The following ACSL5 variants were observed in gnomAD, a reference collection of about 807,000 sequenced individuals.
ACSL5 encodes the protein acyl-CoA synthetase long chain family member 5, also known as long-chain-fatty-acid--CoA ligase 5.
ACSL5 carries 50 observed loss-of-function variants against 84.9 expected under a neutral mutation model. The ratio of observed to expected loss-of-function variants is 0.59; its 90% CI spans 0.47 to 0.75. The LOEUF is 0.75. ACSL5 is among the 30% of genes least tolerant of loss of function. The pLI, the probability that ACSL5 is intolerant of heterozygous loss-of-function variation, is 0.00. For synonymous variants in ACSL5, 280 were observed against 300.7 expected, an observed-to-expected ratio of 0.93 and a Z score of 0.71; for missense variants, 775 against 830.4, an observed-to-expected ratio of 0.93 and a Z score of 0.82.
intron 1 of ACSL5, among the ~76,000 whole-genome samples, chr10:112,378,485 T>G (rs59242079): frequency 0.49 from 74,358 of 151,690 alleles, 18,288 homozygotes; most frequent in South Asian, 0.58. Context: ...GACCTCAAGT[T>G]ATCTGCCTGC....
At chr10:112,425,595 TAA>T (rs71489969) in intron 18 of ACSL5, 114 bp downstream of exon 18, 20,866 of 531,064 alleles carry the variant, frequency 0.039, no homozygotes, top group Middle Eastern at 0.049. Flanking sequence ...CTTATAAAAC[TAA>T]AAAAAAAAAA....
chr10:112,411,611 G>GAC (rs931466410), intron 10 of ACSL5, 82 bp downstream of exon 10: 312 of 1,161,776 alleles, frequency 2.7e-4, no homozygotes, highest in East Asian at 3.8e-4. Flanking sequence ...AGAGCAGGCA[G>GAC]ACACACACAC....
In ACSL5 at chr10:112,404,779, C is replaced by T. The variant is rs376454184; in HGVS notation, c.405C>T (p.Val135=). The T allele has an allele frequency of 5.3e-5, 85 of 1,613,726 alleles. No homozygotes were observed. The highest frequency in any genetic ancestry group is 1.5e-4 in the African/African-American group (11 of 74,876). Residue 135 remains valine (V), a synonymous_variant, in exon 5 of 21, where the codon GTC becomes GTT. Transcript: ENST00000354655. ...ATAAATCATCACCAGACCAGTTTGTCGGCATCTTTGCTCAGAATAGGCCAG... is the reference window on the plus strand; with the variant it reads ...ATAAATCATCACCAGACCAGTTTGTTGGCATCTTTGCTCAGAATAGGCCAG... The part of the protein sequence containing the change: ...KGYKSSPDQF[V]GIFAQNRPEW...
intron 16 of ACSL5, 73 bp from the exon 17 acceptor site, chr10:112,422,252 G>A: frequency 1.4e-5 from 18 of 1,287,184 alleles, no homozygotes; most frequent in Non-Finnish European, 2.0e-5. Context: ...AGGGGAGCAG[G>A]TGTTTCATAA....
At chr10:112,397,771 A>AT (rs1342699752) in intron 2 of ACSL5, among the ~76,000 whole-genome samples, 2 of 151,992 alleles carry the variant, frequency 1.3e-5, no homozygotes, top group African/African-American at 4.8e-5. Flanking sequence ...TTATATTTGC[A>AT]TTTTTTCCTT....
chr10:112,406,881 C>T (rs1844051927), intron 5 of ACSL5, among the ~76,000 whole-genome samples: 1 of 152,124 alleles, frequency 6.6e-6, no homozygotes, highest in Non-Finnish European at 1.5e-5. Context: ...GTCACGAGAA[C>T]AATGTATTAG....
chr10:112,404,443 C>T (rs2133614530), intron 3 of ACSL5, 68 bp from the exon 4 acceptor site: 1 of 1,242,342 alleles, frequency 8.0e-7, no homozygotes, highest in Non-Finnish European at 1.2e-6. Flanking sequence ...TTCTTAATCT[C>T]CTTTTAGCTT....
intron 2 of ACSL5, among the ~76,000 whole-genome samples, chr10:112,397,174 T>C (rs886129914): frequency 2.0e-5 from 3 of 150,932 alleles, no homozygotes; most frequent in Admixed American, 6.6e-5. Flanking sequence ...TTTTTCTTTT[T>C]TTTTTTTTTT....
At chr10:112,401,828 C>CTTTCTT (rs1554862716) in intron 3 of ACSL5, among the ~76,000 whole-genome samples, 1 of 108,738 alleles carries the variant, frequency 9.2e-6, no homozygotes, top group Non-Finnish European at 2.0e-5. Flanking sequence ...TTCTTTCTTT[C>CTTTCTT]TTTCTTTCTT....
At chr10:112,404,379 G>T (rs905687917) in intron 3 of ACSL5, 132 bp from the exon 4 acceptor site, 2 of 661,312 alleles carry the variant, frequency 3.0e-6, no homozygotes, top group Middle Eastern at 4.1e-4. Context: ...GAATTTCCTG[G>T]ACATATAATA....
intron 12 of ACSL5, 100 bp from the exon 13 acceptor site, chr10:112,416,788 C>T: frequency 7.5e-7 from 1 of 1,331,022 alleles, no homozygotes; most frequent in East Asian, 2.3e-5. Flanking sequence ...ACTGTGAGAC[C>T]ACTTCCTTAT....
intron 1 of ACSL5, among the ~76,000 whole-genome samples, chr10:112,377,779 A>G (rs1274682120): frequency 6.6e-6 from 1 of 152,202 alleles, no homozygotes; most frequent in Non-Finnish European, 1.5e-5. Flanking sequence ...AAAAACCTAA[A>G]TAAAACAAGA....
intron 17 of ACSL5, among the ~76,000 whole-genome samples, chr10:112,422,844 T>A (rs2133666517): frequency 8.2e-6 from 1 of 121,500 alleles, no homozygotes; most frequent in African/African-American, 3.2e-5. Context: ...TGACAGAGAC[T>A]CTGTCTCAAA....
intron 1 of ACSL5, among the ~76,000 whole-genome samples, chr10:112,390,647 GATAGATAA>G (rs934903211): frequency 1.5e-4 from 20 of 129,438 alleles, no homozygotes; most frequent in Non-Finnish European, 1.1e-4. Flanking sequence ...TCAACTGGTA[GATAGATAA>G]ATAGATAGAT....
In ACSL5 at chr10:112,426,173, A is replaced by G. The variant is rs1254075737; in HGVS notation, c.1738-85A>G. 6 of 1,045,780 alleles carry G rather than the reference A, an allele frequency of 5.7e-6. No individual in the cohort carries two copies. In the African/African-American group the frequency reaches 9.5e-5, roughly 17 times the overall value. 64.8% of individuals were successfully genotyped at this position (1,045,780 alleles called of 1,614,324 possible). ...TTTTGGGGAAATAACTATTACAATGACATAATTCTGCTTTATTTAACTACT... is the reference window on the plus strand; with the variant it reads ...TTTTGGGGAAATAACTATTACAATGGCATAATTCTGCTTTATTTAACTACT... On this transcript the variant is annotated intron_variant, in intron 18 of 20. Coordinates refer to ENST00000354655, the MANE Select transcript of ACSL5 (RefSeq NM_203379.2).
At chr10:112,402,362 A>C (rs1207492065) in intron 3 of ACSL5, among the ~76,000 whole-genome samples, 3 of 152,228 alleles carry the variant, frequency 2.0e-5, no homozygotes, top group African/African-American at 7.2e-5. Flanking sequence ...AGTACAATAC[A>C]AATGATAATA....
rs1221529496 is a variant in ACSL5, at chr10:112,398,316, C to T, written c.157-585C>T. On this transcript the variant is annotated intron_variant, in intron 2 of 20. Transcript: ENST00000354655. ...TCCTGACCTCGTGATCCGCCCGCCT[C>T]GGCCTCCCAAAGTGCTGGGATTACA... is the stretch of plus-strand genomic sequence containing the variant. 2.8e-3 allele frequency among the ~76,000 whole-genome samples: 5 copies of T among 1,814 alleles called. 2 individuals carry two copies. The highest frequency in any genetic ancestry group is 4.8e-3 in the African/African-American group (4 of 826). 1.2% of individuals were successfully genotyped at this position (1,814 alleles called of 152,430 possible).
chr10:112,404,685 C>A lies in ACSL5; in HGVS notation c.331-20C>A. 6.2e-7 allele frequency: 1 copy of A among 1,609,274 alleles called. No individual in the cohort carries two copies. Among genetic ancestry groups the A allele is most frequent in the Non-Finnish European group, 8.5e-7 (1 of 1,175,944 alleles). ...TTGACCTCTTCTCTCTCTCTCTCAC[C>A]CCATCTCTCTTTTTTGTAGGTGTCT... On this transcript the variant is annotated intron_variant, in intron 4 of 20. Transcript: ENST00000354655.
Position 112,417,873 on chromosome 10 carries a change from A to G in ACSL5, c.1246A>G (p.Ile416Val), listed in dbSNP as rs372403695. The change falls in exon 14 of 21, where the codon ATT (isoleucine) becomes GTT (valine). Residue 416 changes from isoleucine (I) to valine (V), a missense_variant. Physicochemically the swap from Ile to Val is conservative, Grantham distance 29. Coordinates refer to ENST00000354655, the MANE Select transcript of ACSL5 (RefSeq NM_203379.2). Reference sequence around the variant, plus strand: ...CAGCCTGGGCGGAAGGGTTCGTGTAATTGTCACTGGAGCTGCCCCCATGTC... The same window carrying G: ...CAGCCTGGGCGGAAGGGTTCGTGTAGTTGTCACTGGAGCTGCCCCCATGTC... ...QDSLGGRVRV[I>V]VTGAAPMSTS... 1 of 1,614,000 alleles carries G rather than the reference A, an allele frequency of 6.2e-7. No homozygotes were observed. The highest frequency in any genetic ancestry group is 8.5e-7 in the Non-Finnish European group (1 of 1,179,962).
Sources: allele counts gnomAD v4.1 joint callset (sites outside exome capture counted in the v4.1 genomes callset), GRCh38; gene constraint gnomAD v4.1.1; transcripts MANE v1.5; gene names NCBI Gene and HGNC (gene_info 2026-07-23, HGNC 2026-07-21).